Variants in TRPM6 observed in about 807,000 individuals in gnomAD.
TRPM6 encodes the protein channel kinase 2.
In TRPM6, 111 loss-of-function variants were observed where a neutral mutation model predicts 247.6. That is an observed-to-expected ratio of 0.45 (90% CI 0.38 to 0.52). The LOEUF (loss-of-function observed/expected upper bound fraction) is 0.52. Among genes scored for constraint, TRPM6 ranks in the 20% least tolerant of loss-of-function variants. The pLI is 0.00. For missense variants in TRPM6, 2,126 were observed against 2,421.5 expected (o/e 0.88, Z 2.56); for synonymous variants, 892 against 853.8 (o/e 1.04, Z -0.78).
In TRPM6 at chr9:74,816,840, G is replaced by C. The variant is rs114149245; in HGVS notation, c.1207+52C>G. The C allele has an allele frequency of 1.4e-3, 2,272 of 1,608,356 alleles. 26 individuals carry two copies. The African/African-American group carries it at 0.026, about 19-fold the overall frequency. ...TACGCAAGAAGCACAAAGTACTGTGGAACATGAGAAGCGTAAATGAGGAAC... is the reference window on the plus strand; with the variant it reads ...TACGCAAGAAGCACAAAGTACTGTGCAACATGAGAAGCGTAAATGAGGAAC... On this transcript the variant is annotated intron_variant, in intron 10 of 38. Coordinates refer to ENST00000360774, the MANE Select transcript of TRPM6 (RefSeq NM_017662.5).
At chr9:74,884,430 A>G (rs920860004) in intron 1 of TRPM6, among the ~76,000 whole-genome samples, 1 of 151,418 alleles carries the variant, frequency 6.6e-6, no homozygotes, top group Admixed American at 6.6e-5. Context: ...CGGAGCTTGC[A>G]CTGAGCTGAG....
At chr9:74,819,564 T>C (rs2117978805) in intron 9 of TRPM6, among the ~76,000 whole-genome samples, 1 of 152,318 alleles carries the variant, frequency 6.6e-6, no homozygotes, top group African/African-American at 2.4e-5. Context: ...CCTAAAACAC[T>C]AAAAACTTTT....
intron 1 of TRPM6, among the ~76,000 whole-genome samples, chr9:74,865,655 T>C (rs1830824163): frequency 6.6e-6 from 1 of 152,256 alleles, no homozygotes; most frequent in African/African-American, 2.4e-5. Context: ...GGTCTTCATT[T>C]ATGCTCCAAA....
In TRPM6 at chr9:74,755,382, C is replaced by T; in HGVS notation, c.4877G>A (p.Trp1626Ter). The stretch of plus-strand genomic sequence containing the variant: ...GTGACTAAATTTGGACACTGTGAAC[C>T]AGTTCTTGCTGTACTCCTCTTCAGA... ...SISEEEYSKN[W>*]FTVSKFSHTG... is the part of the protein sequence containing the mutation. Residue 1626 changes from tryptophan (W) to a stop codon, truncating the protein, a stop_gained, in exon 28 of 39, where the codon TGG becomes TAG. Coordinates refer to ENST00000360774, the MANE Select transcript of TRPM6 (RefSeq NM_017662.5). LOFTEE classifies it high-confidence loss of function. 1 of 1,614,112 alleles carries T rather than the reference C, an allele frequency of 6.2e-7. No individual in the cohort carries two copies. The highest frequency in any genetic ancestry group is 1.1e-5 in the South Asian group (1 of 91,080).
At chr9:74,839,679 G>T in intron 5 of TRPM6, among the ~76,000 whole-genome samples, 1 of 151,818 alleles carries the variant, frequency 6.6e-6, no homozygotes, top group Non-Finnish European at 1.5e-5. Context: ...TTCTGACAAT[G>T]GTAAAAACAC....
At chr9:74,728,051 CTAAAG>C (rs1825392950) in intron 38 of TRPM6, among the ~76,000 whole-genome samples, 183 bp downstream of exon 38, 2 of 152,112 alleles carry the variant, frequency 1.3e-5, no homozygotes, top group South Asian at 4.1e-4. Context: ...TTGGCAGAAC[CTAAAG>C]TAAATCCCTG....
intron 28 of TRPM6, among the ~76,000 whole-genome samples, chr9:74,753,110 C>CAAAAA (rs35980332): frequency 8.6e-5 from 9 of 104,098 alleles, no homozygotes; most frequent in Admixed American, 1.1e-4. Context: ...GAGACTGTCT[C>CAAAAA]AAAAAAAAAA....
intron 11 of TRPM6, among the ~76,000 whole-genome samples, chr9:74,812,793 G>A (rs1049579497): frequency 1.6e-4 from 25 of 152,152 alleles, no homozygotes; most frequent in Non-Finnish European, 7.4e-5. Flanking sequence ...GGGAGGCTGA[G>A]GTGGGAGGAC....
chr9:74,804,846 A>AG (rs1240532901), intron 14 of TRPM6: 5 of 441,514 alleles, frequency 1.1e-5, no homozygotes, highest in Admixed American at 3.8e-5. Context: ...TTCTAAAAAA[A>AG]GAAAAGTCCG....
chr9:74,781,628 AAGAAAGAGAGAGAG>A (rs1827461115), intron 23 of TRPM6, among the ~76,000 whole-genome samples: 1 of 151,764 alleles, frequency 6.6e-6, no homozygotes, highest in African/African-American at 2.4e-5. Flanking sequence ...AAAGGAGAGG[AAGAAAGAGAGAGAG>A]AGAAAGAGAG....
In TRPM6 at chr9:74,755,426, C is replaced by A; in HGVS notation, c.4833G>T (p.Glu1611Asp). The A allele has an allele frequency of 3.1e-6, 5 of 1,614,106 alleles. No homozygotes were observed. The highest frequency in any genetic ancestry group is 4.2e-6 in the Non-Finnish European group (5 of 1,179,998). Reference protein sequence around the residue: ...ACSQSDQLNPEPGENSISEEE... With the variant: ...ACSQSDQLNPDPGENSISEEE... ...CTTCAGAGATGCTGTTTTCTCCTGGCTCTGGATTCAACTGGTCACTCTGAG... is the reference window on the plus strand; with the variant it reads ...CTTCAGAGATGCTGTTTTCTCCTGGATCTGGATTCAACTGGTCACTCTGAG... Residue 1611 changes from glutamate (E) to aspartate (D), a missense_variant, in exon 28 of 39, where the codon GAG becomes GAT. By Grantham distance (45) the Glu-to-Asp change is conservative. Around this residue, in one of 3 missense-constraint regions of TRPM6, gnomAD observed 717 missense variants for 715.9 expected, o/e 1.00. Coordinates refer to ENST00000360774, the MANE Select transcript of TRPM6 (RefSeq NM_017662.5).
At chr9:74,842,496 C>G (rs1472174463) in intron 3 of TRPM6, among the ~76,000 whole-genome samples, 153 bp from the exon 4 acceptor site, 1 of 152,170 alleles carries the variant, frequency 6.6e-6, no homozygotes, top group Non-Finnish European at 1.5e-5. Context: ...GGACTGTCTT[C>G]TAAGTTTAGA....
chr9:74,887,486 C>T, intron 1 of TRPM6: 1 of 1,059,702 alleles, frequency 9.4e-7, no homozygotes, highest in Non-Finnish European at 1.4e-6. Flanking sequence ...ATCAGAGCTG[C>T]CTCCTCTCCC....
chr9:74,828,519 A>C (rs1564033410), intron 6 of TRPM6, among the ~76,000 whole-genome samples: 1 of 152,234 alleles, frequency 6.6e-6, no homozygotes. Flanking sequence ...CAAGTTCAAC[A>C]GTATTGAAAC....
chr9:74,769,328 T>C (rs1416264442), intron 25 of TRPM6, among the ~76,000 whole-genome samples: 1 of 152,140 alleles, frequency 6.6e-6, no homozygotes, highest in African/African-American at 2.4e-5. Context: ...TTTGTATTTT[T>C]AGTAGAGACG....
Position 74,723,443 on chromosome 9 carries a change from C to A in TRPM6, c.*1170G>T, listed in dbSNP as rs1825203890. The A allele has an allele frequency of 6.7e-6, 1 of 150,162 alleles. No homozygotes were observed. The highest frequency in any genetic ancestry group is 2.1e-4 in the South Asian group (1 of 4,748). 9.3% of individuals were successfully genotyped at this position (150,162 alleles called of 1,614,324 possible). A position where few individuals can be genotyped will look rare whatever the true frequency, so the allele number is the denominator to read the frequency against. ...ACTCCTAACTAATAGTACCCCTGAG[C>A]TTTAAGGAAGGGAAACCCTTTCTTA... On this transcript the variant is annotated 3_prime_UTR_variant, in exon 39 of 39. Coordinates refer to ENST00000360774, the MANE Select transcript of TRPM6 (RefSeq NM_017662.5).
At chr9:74,850,242 C>T (rs1241229371) in intron 3 of TRPM6, among the ~76,000 whole-genome samples, 3 of 151,332 alleles carry the variant, frequency 2.0e-5, no homozygotes, top group South Asian at 4.2e-4. Flanking sequence ...CGTGGTGGCA[C>T]GTGCCTGTAA....
At chr9:74,755,931 G>A (rs1826416519) in intron 27 of TRPM6, among the ~76,000 whole-genome samples, 1 of 152,188 alleles carries the variant, frequency 6.6e-6, no homozygotes, top group Non-Finnish European at 1.5e-5. Flanking sequence ...TCATTTAGAA[G>A]CCATGTGAAT....
chr9:74,833,202 T>C (rs1421159731), intron 6 of TRPM6, among the ~76,000 whole-genome samples: 1 of 152,216 alleles, frequency 6.6e-6, no homozygotes, highest in East Asian at 1.9e-4. Flanking sequence ...TTTTTTGCTG[T>C]CCTTATACAC....
Sources: gnomAD v4.1 joint callset for allele counts (sites outside exome capture counted in the v4.1 genomes callset) on GRCh38, gnomAD v4.1.1 for gene constraint, gnomAD v4.1.1 regional missense constraint, MANE v1.5 for transcripts, NCBI Gene and HGNC (gene_info 2026-07-23, HGNC 2026-07-21) for gene names.